The following NSMCE2 variants were observed in gnomAD, a reference collection of about 807,000 sequenced individuals.
NSMCE2 encodes NSE2 SUMO ligase component of SMC5/6 complex, also known as E3 SUMO-protein ligase NSE2.
Under a neutral mutation model 23.8 loss-of-function variants are expected in NSMCE2, and 24 were observed. That is an observed-to-expected ratio of 1.01 (90% CI 0.73 to 1.42). The LOEUF (loss-of-function observed/expected upper bound fraction) is 1.42. Ranked by LOEUF, NSMCE2 falls within the 40% of genes most tolerant of loss-of-function variation. NSMCE2 has a pLI of 0.00. For missense variants in NSMCE2, 284 were observed against 296.5 expected (o/e 0.96, Z 0.31); for synonymous variants, 92 against 94.1 (o/e 0.98, Z 0.13).
At chr8:125,276,995 G>A (rs1285124560) in intron 5 of NSMCE2, among the ~76,000 whole-genome samples, 1 of 152,176 alleles carries the variant, frequency 6.6e-6, no homozygotes, top group Non-Finnish European at 1.5e-5. Context: ...CTTGTTCACT[G>A]GTGTTCTGAT....
chr8:125,181,990 T>G (rs908452466), intron 4 of NSMCE2, 113 bp from the exon 5 acceptor site: 4 of 809,756 alleles, frequency 4.9e-6, no homozygotes, highest in Non-Finnish European at 8.0e-6. Flanking sequence ...GAGATTGTTT[T>G]CAACCTCACT....
At chr8:125,096,987 T>A (rs1817969649) in intron 1 of NSMCE2, among the ~76,000 whole-genome samples, 1 of 152,174 alleles carries the variant, frequency 6.6e-6, no homozygotes, top group Admixed American at 6.5e-5. Context: ...AATTTCTGTT[T>A]TTTGATCCTG....
intron 3 of NSMCE2, among the ~76,000 whole-genome samples, chr8:125,110,068 G>C (rs1431941174): frequency 6.6e-6 from 1 of 152,064 alleles, no homozygotes; most frequent in African/African-American, 2.4e-5. Context: ...TTTAGGTTTA[G>C]TTAAGTAAAT....
chr8:125,125,122 A>G (rs113404905), intron 3 of NSMCE2, among the ~76,000 whole-genome samples: 3,295 of 151,784 alleles, frequency 0.022, 129 homozygotes, highest in African/African-American at 0.076. Context: ...TCATCTGTGA[A>G]TGGAGATAGT....
At chr8:125,214,494 A>T (rs912897963) in intron 5 of NSMCE2, among the ~76,000 whole-genome samples, 1 of 152,210 alleles carries the variant, frequency 6.6e-6, no homozygotes, top group Non-Finnish European at 1.5e-5. Flanking sequence ...GGGTCAGTAC[A>T]GGACCCTACG....
chr8:125,094,246 G>A (rs963727954), intron 1 of NSMCE2, among the ~76,000 whole-genome samples: 5 of 152,184 alleles, frequency 3.3e-5, no homozygotes, highest in African/African-American at 7.2e-5. Context: ...GTGAAGCACT[G>A]CTAACATCTT....
chr8:125,098,237 C>T (rs763261195), intron 1 of NSMCE2, among the ~76,000 whole-genome samples: 1 of 152,088 alleles, frequency 6.6e-6, no homozygotes, highest in Admixed American at 6.5e-5. Context: ...TACATGTCTC[C>T]TAGATATATC....
At chr8:125,343,491 T>A (rs180726314) in intron 5 of NSMCE2, among the ~76,000 whole-genome samples, 1,712 of 152,314 alleles carry the variant, frequency 0.011, 19 homozygotes, top group Non-Finnish European at 0.017. Flanking sequence ...AAGTATGAAT[T>A]AGCCAGGCGT....
intron 5 of NSMCE2, among the ~76,000 whole-genome samples, chr8:125,344,089 A>T (rs1830348496): frequency 6.6e-6 from 1 of 152,236 alleles, no homozygotes; most frequent in Non-Finnish European, 1.5e-5. Context: ...TCATAGCCCC[A>T]TCTTACCCAA....
chr8:125,350,154 C>T (rs61055867), intron 5 of NSMCE2, among the ~76,000 whole-genome samples: 5,592 of 152,122 alleles, frequency 0.037, 164 homozygotes, highest in African/African-American at 0.086. Flanking sequence ...TGGAAGAGAA[C>T]GAGGGAGGGG....
chr8:125,157,919 A>G (rs955826901), intron 4 of NSMCE2, among the ~76,000 whole-genome samples: 5 of 152,362 alleles, frequency 3.3e-5, no homozygotes, highest in African/African-American at 9.6e-5. Context: ...TTGTGGTCAA[A>G]TAAGTTTGGG....
chr8:125,175,404 A>G (rs1372107587), intron 4 of NSMCE2, among the ~76,000 whole-genome samples: 1 of 152,210 alleles, frequency 6.6e-6, no homozygotes, highest in Non-Finnish European at 1.5e-5. Flanking sequence ...AAGTTGGCAT[A>G]CTTAGAGTAC....
At chr8:125,092,562 A>G (rs570107359) in intron 1 of NSMCE2, among the ~76,000 whole-genome samples, 1 of 152,326 alleles carries the variant, frequency 6.6e-6, no homozygotes, top group Admixed American at 6.5e-5. Context: ...TGTGATAGGG[A>G]TAATGGTAGC....
At chr8:125,244,097 A>G (rs1825866218) in intron 5 of NSMCE2, among the ~76,000 whole-genome samples, 1 of 152,162 alleles carries the variant, frequency 6.6e-6, no homozygotes, top group African/African-American at 2.4e-5. Context: ...TGTGCCATAA[A>G]GCTAATGATA....
At chr8:125,185,594 C>T (rs1003102441) in intron 5 of NSMCE2, among the ~76,000 whole-genome samples, 2 of 152,242 alleles carry the variant, frequency 1.3e-5, no homozygotes, top group Non-Finnish European at 2.9e-5. Context: ...GCGTGAGCCA[C>T]TGCACCTGGT....
At chr8:125,357,392 T>C in intron 6 of NSMCE2, 73 bp downstream of exon 6, 1 of 1,094,172 alleles carries the variant, frequency 9.1e-7, no homozygotes, top group Non-Finnish European at 1.4e-6. Context: ...CCTGTTTGCT[T>C]TCTGGTTTGA....
intron 7 of NSMCE2, among the ~76,000 whole-genome samples, chr8:125,366,464 C>T (rs1463902209): frequency 3.9e-5 from 6 of 151,988 alleles, no homozygotes; most frequent in Non-Finnish European, 8.8e-5. Context: ...GGTGTGAACC[C>T]GGGAGGCGGA....
chr8:125,275,741 A>G (rs1055240535), intron 5 of NSMCE2, among the ~76,000 whole-genome samples: 1 of 152,118 alleles, frequency 6.6e-6, no homozygotes, highest in Admixed American at 6.6e-5. Context: ...GCTGATTTCC[A>G]CAATCCTATG....
At chr8:125,301,261 G>A (rs544998441) in intron 5 of NSMCE2, among the ~76,000 whole-genome samples, 1 of 152,194 alleles carries the variant, frequency 6.6e-6, no homozygotes, top group East Asian at 1.9e-4. Flanking sequence ...ATCCAGAAGG[G>A]GTTGAAAAAC....
Sources: allele counts gnomAD v4.1 joint callset (sites outside exome capture counted in the v4.1 genomes callset), GRCh38; gene constraint gnomAD v4.1.1; transcripts MANE v1.5; gene names NCBI Gene and HGNC (gene_info 2026-07-23, HGNC 2026-07-21).